OSTM1: variants seen among roughly 807,000 people sequenced by gnomAD.
OSTM1 encodes osteoclastogenesis associated transmembrane protein 1, also known as osteopetrosis-associated transmembrane protein 1.
Under a neutral mutation model 35.4 loss-of-function variants are expected in OSTM1, and 26 were observed. The ratio of observed to expected loss-of-function variants is 0.73; its 90% CI spans 0.54 to 1.02. OSTM1 has a LOEUF of 1.02. OSTM1 is among the 50% of genes least tolerant of loss of function. The pLI, the probability that OSTM1 is intolerant of heterozygous loss-of-function variation, is 0.00. For missense variants in OSTM1, 366 were observed against 409.6 expected, an observed-to-expected ratio of 0.89 and a Z score of 0.92; for synonymous variants, 181 against 165.0, an observed-to-expected ratio of 1.10 and a Z score of -0.75.
At chr6:108,060,098 C>T (rs941737379) in intron 2 of OSTM1, among the ~76,000 whole-genome samples, 1 of 152,186 alleles carries the variant, frequency 6.6e-6, no homozygotes. Flanking sequence ...CCTCAAAATA[C>T]ATATGTATTT....
Position 108,044,514 on chromosome 6 carries a change from A to G in OSTM1, c.*271T>C, listed in dbSNP as rs978139366. The G allele has an allele frequency of 1.9e-5, 5 of 266,370 alleles. No individual in the cohort carries two copies. Among genetic ancestry groups the G allele is most frequent in the Non-Finnish European group, 2.8e-5 (4 of 142,618 alleles). 16.5% of individuals were successfully genotyped at this position (266,370 alleles called of 1,614,324 possible). On this transcript the variant is annotated 3_prime_UTR_variant, in exon 6 of 6. Transcript: ENST00000193322. ...AGTAATCAAATGCCTATAAAATAAA[A>G]TAATGATTGTTCTTGCATGTTCTGT... is the stretch of plus-strand genomic sequence containing the variant.
chr6:108,050,402 C>T (rs1335773672), intron 4 of OSTM1, among the ~76,000 whole-genome samples: 2 of 123,420 alleles, frequency 1.6e-5, no homozygotes, highest in East Asian at 2.6e-4. Flanking sequence ...CTCGCTCTGT[C>T]GCCCAGGCTG....
rs142883700 is a variant in OSTM1, at chr6:108,071,045, G to A, written c.402+3205C>T. Among the ~76,000 whole-genome samples the A allele has an allele frequency of 1.4e-3, 194 of 139,848 alleles. 1 individual carries two copies. The highest frequency in any genetic ancestry group is 4.7e-3 in the African/African-American group (176 of 37,712). 91.7% of individuals were successfully genotyped at this position (139,848 alleles called of 152,430 possible). ...TTACTAAAAATATAAAAAATCAGCC[G>A]GGCGTGGTGGCGGGCGCCTGTAGTC... is the stretch of plus-strand genomic sequence containing the variant. On this transcript the variant is annotated intron_variant, in intron 1 of 5. Transcript: ENST00000193322.
At chr6:108,045,499 GA>G (rs112701181) in intron 5 of OSTM1, among the ~76,000 whole-genome samples, 25 of 137,616 alleles carry the variant, frequency 1.8e-4, no homozygotes, top group Middle Eastern at 3.6e-3. Context: ...TCTGTAATGG[GA>G]AAAAAAAAAA....
At chr6:108,046,121 C>A (rs1771965567) in intron 5 of OSTM1, among the ~76,000 whole-genome samples, 1 of 151,184 alleles carries the variant, frequency 6.6e-6, no homozygotes, top group Admixed American at 6.6e-5. Context: ...CCTGCCTCAG[C>A]CTCCCAAGTA....
intron 2 of OSTM1, among the ~76,000 whole-genome samples, chr6:108,055,345 T>C (rs974764602): frequency 2.0e-5 from 3 of 152,072 alleles, no homozygotes; most frequent in Non-Finnish European, 4.4e-5. Context: ...AACGGGGTCT[T>C]GCTCGGTTGC....
At chr6:108,067,826 T>C (rs1357349758) in intron 1 of OSTM1, among the ~76,000 whole-genome samples, 1 of 66,842 alleles carries the variant, frequency 1.5e-5, no homozygotes. Context: ...CGAGCCTCTG[T>C]CTAAAAAAAA....
At chr6:108,051,268 T>G in intron 3 of OSTM1, 70 bp from the exon 4 acceptor site, 8 of 1,168,184 alleles carry the variant, frequency 6.8e-6, no homozygotes, top group Non-Finnish European at 1.0e-5. Flanking sequence ...ATGTAAGCTA[T>G]TTACGCTTCT....
At chr6:108,058,584 C>T (rs879882667) in intron 2 of OSTM1, among the ~76,000 whole-genome samples, 3 of 152,032 alleles carry the variant, frequency 2.0e-5, no homozygotes, top group South Asian at 4.1e-4. Context: ...GTCAGGAGAT[C>T]GAGACCACGG....
intron 1 of OSTM1, among the ~76,000 whole-genome samples, chr6:108,073,987 AGGG>A (rs1772535288): frequency 6.6e-6 from 1 of 152,120 alleles, no homozygotes; most frequent in Non-Finnish European, 1.5e-5. Flanking sequence ...GAAGAGCAAG[AGGG>A]TTGGGGAATC....
chr6:108,061,660 G>C (rs544724266), intron 2 of OSTM1, among the ~76,000 whole-genome samples: 84 of 151,830 alleles, frequency 5.5e-4, no homozygotes, highest in African/African-American at 1.9e-3. Flanking sequence ...CAGGCAGCTG[G>C]GACTATAGGC....
intron 1 of OSTM1, among the ~76,000 whole-genome samples, chr6:108,065,861 A>G (rs1445864209): frequency 6.6e-6 from 1 of 152,230 alleles, no homozygotes; most frequent in Non-Finnish European, 1.5e-5. Context: ...TCAATACAGT[A>G]GAGCCTGTAT....
intron 1 of OSTM1, among the ~76,000 whole-genome samples, chr6:108,065,328 C>T (rs2114607486): frequency 6.7e-6 from 1 of 148,668 alleles, no homozygotes; most frequent in East Asian, 2.1e-4. Context: ...CAACATCTGC[C>T]TCCTGGGTTC....
At chr6:108,058,367 C>A (rs370838977) in intron 2 of OSTM1, among the ~76,000 whole-genome samples, 2 of 152,042 alleles carry the variant, frequency 1.3e-5, no homozygotes, top group Non-Finnish European at 2.9e-5. Context: ...AAATAAACTA[C>A]GGCAACTTTG....
At chr6:108,063,030 T>A (rs111453969) in intron 2 of OSTM1, among the ~76,000 whole-genome samples, 2 of 150,670 alleles carry the variant, frequency 1.3e-5, no homozygotes, top group African/African-American at 4.9e-5. Flanking sequence ...TTTTTTTTTT[T>A]AAGACAGGGT....
At chr6:108,049,489 C>T in intron 4 of OSTM1, 71 bp from the exon 5 acceptor site, 2 of 1,586,660 alleles carry the variant, frequency 1.3e-6, no homozygotes, top group Non-Finnish European at 1.7e-6. Context: ...AATTATTTTG[C>T]TAATAACTAA....
At position 108,049,243 on chromosome 6, in the gene OSTM1, A is replaced by G. The variant is rs1346930424; in HGVS notation, c.949+10T>C. On this transcript the variant is annotated intron_variant, in intron 5 of 5. Coordinates refer to ENST00000193322, the MANE Select transcript of OSTM1 (RefSeq NM_014028.4). ...TTTATCTATAAAATAAATAATTGTA[A>G]AAAACTTACGCAGAATGAGTTTGCG... The G allele has an allele frequency of 6.3e-7, 1 of 1,590,864 alleles. No individual in the cohort carries two copies. The highest frequency in any genetic ancestry group is 8.6e-7 in the Non-Finnish European group (1 of 1,162,570).
At position 108,044,135 on chromosome 6, in the gene OSTM1, G is replaced by A. The variant is rs1771923828; in HGVS notation, c.*650C>T. The A allele has an allele frequency of 6.6e-6, 1 of 152,524 alleles. No individual in the cohort carries two copies. The highest frequency in any genetic ancestry group is 6.6e-5 in the Admixed American group (1 of 15,258). 9.4% of individuals were successfully genotyped at this position (152,524 alleles called of 1,614,324 possible). A position where few individuals can be genotyped will look rare whatever the true frequency, so the allele number is the denominator to read the frequency against. On this transcript the variant is annotated 3_prime_UTR_variant, in exon 6 of 6. Transcript: ENST00000193322. ...TATGAAATAAAGGCAAAAATAAGATGTAAAATACTATTTATAAAAGTCAAG... is the reference window on the plus strand; with the variant it reads ...TATGAAATAAAGGCAAAAATAAGATATAAAATACTATTTATAAAAGTCAAG...
intron 1 of OSTM1, among the ~76,000 whole-genome samples, chr6:108,071,452 C>A (rs935769641): frequency 1.4e-5 from 2 of 148,014 alleles, no homozygotes; most frequent in Non-Finnish European, 3.0e-5. Context: ...CACCACCACA[C>A]CCGGCTAATT....
Sources: gnomAD v4.1 joint callset for allele counts (sites outside exome capture counted in the v4.1 genomes callset) on GRCh38, gnomAD v4.1.1 for gene constraint, MANE v1.5 for transcripts, NCBI Gene and HGNC (gene_info 2026-07-23, HGNC 2026-07-21) for gene names.